The following KIAA1671 variants were observed in gnomAD, a reference collection of about 807,000 sequenced individuals.
The protein encoded by KIAA1671 is KIAA1671, also known as uncharacterized protein KIAA1671.
A neutral mutation model predicts 131.2 loss-of-function variants in KIAA1671; 52 were observed. The ratio of observed to expected loss-of-function variants is 0.40; its 90% CI spans 0.32 to 0.50. The LOEUF (loss-of-function observed/expected upper bound fraction) is 0.50. Ranked by LOEUF, KIAA1671 falls within the 20% of genes least tolerant of loss-of-function variation. The pLI is 0.73. For missense variants in KIAA1671, 2,360 were observed against 2,364.2 expected (o/e 1.00, Z 0.04); for synonymous variants, 1,003 against 961.6 (o/e 1.04, Z -0.80).
At chr22:25,031,243 G>A (rs1391387962) in intron 3 of KIAA1671, among the ~76,000 whole-genome samples, 2 of 146,578 alleles carry the variant, frequency 1.4e-5, no homozygotes, top group African/African-American at 5.1e-5. Context: ...CTGCCGCTGA[G>A]GCCAGAGCAG....
intron 1 of KIAA1671, among the ~76,000 whole-genome samples, chr22:24,984,719 C>T (rs1199350347): frequency 6.6e-6 from 1 of 151,990 alleles, no homozygotes; most frequent in African/African-American, 2.4e-5. Context: ...TGAGACCATC[C>T]TGGTCAACAT....
intron 6 of KIAA1671, among the ~76,000 whole-genome samples, chr22:25,093,507 T>TAATGTGAACACA (rs1930121784): frequency 6.6e-6 from 1 of 152,142 alleles, no homozygotes; most frequent in Admixed American, 6.5e-5. Context: ...TGCTGGCAGT[T>TAATGTGAACACA]CATTACTGCA....
At chr22:25,185,277 C>CA in intron 11 of KIAA1671, 158 bp downstream of exon 11, 1 of 844,034 alleles carries the variant, frequency 1.2e-6, no homozygotes, top group Non-Finnish European at 1.8e-6. Context: ...TCTCAATACT[C>CA]AGATACCTAA....
At chr22:25,049,386 G>A in intron 6 of KIAA1671, 22 bp downstream of exon 6, 1 of 1,544,702 alleles carries the variant, frequency 6.5e-7, no homozygotes, top group South Asian at 1.2e-5. Context: ...AACATGGCTG[G>A]AGAGGATTGC....
intron 1 of KIAA1671, among the ~76,000 whole-genome samples, chr22:24,978,676 C>CTTTTG (rs377292242): frequency 0.015 from 2,258 of 152,000 alleles, 36 homozygotes; most frequent in East Asian, 0.083. Flanking sequence ...CCATCTTAAT[C>CTTTTG]TTTTGTTTTG....
chr22:25,088,033 T>C (rs1038907416), intron 6 of KIAA1671, among the ~76,000 whole-genome samples: 1 of 152,186 alleles, frequency 6.6e-6, no homozygotes, highest in African/African-American at 2.4e-5. Flanking sequence ...GAGTGGTCAT[T>C]TGGTAAAATG....
intron 6 of KIAA1671, among the ~76,000 whole-genome samples, chr22:25,165,247 C>A (rs562968201): frequency 5.3e-4 from 81 of 152,246 alleles, no homozygotes; most frequent in African/African-American, 2.0e-3. Context: ...CCAAATTTGA[C>A]AGTCTGTGTT....
In KIAA1671 at chr22:25,170,843, C is replaced by G. The variant is rs1455331645; in HGVS notation, c.4554C>G (p.Ser1518=). 1 of 1,551,656 alleles carries G rather than the reference C, an allele frequency of 6.4e-7. No homozygotes were observed. The change falls in exon 7 of 13, where the codon TCC becomes TCG. Residue 1518 remains serine (S), a synonymous_variant. Transcript: ENST00000358431. The stretch of plus-strand genomic sequence containing the variant: ...AGGACCAGCTGAAGCAGTGTTTCTC[C>G]CGGCAGCCCACTGAACCCAAGGACA... ...PFVDQLKQCF[S]RQPTEPKDTD... is the part of the protein sequence containing the mutation.
intron 6 of KIAA1671, among the ~76,000 whole-genome samples, chr22:25,114,134 C>T (rs141703358): frequency 1.1e-3 from 165 of 152,278 alleles, no homozygotes; most frequent in African/African-American, 3.8e-3. Flanking sequence ...CGTGTTGCGT[C>T]GAGATGCCAC....
chr22:25,127,411 A>G lies in KIAA1671; in HGVS notation c.4531-43409A>G, dbSNP rs1932235536. ...TCAAATGGTGCCATTTTCTCTCCAGAGTGACCCCCAGCCTCGAGTGTTTTA... is the reference window on the plus strand; with the variant it reads ...TCAAATGGTGCCATTTTCTCTCCAGGGTGACCCCCAGCCTCGAGTGTTTTA... On this transcript the variant is annotated intron_variant, in intron 6 of 12. Transcript: ENST00000358431. Among the ~76,000 whole-genome samples the G allele has an allele frequency of 2.6e-5, 4 of 152,144 alleles. No homozygotes were observed. In the South Asian group the frequency reaches 8.3e-4, roughly 32 times the overall value.
At chr22:25,075,703 TAGCC>T (rs1929067600) in intron 6 of KIAA1671, among the ~76,000 whole-genome samples, 1 of 151,866 alleles carries the variant, frequency 6.6e-6, no homozygotes, top group South Asian at 2.1e-4. Context: ...TTCACCGTGT[TAGCC>T]AGGATGGTCT....
intron 6 of KIAA1671, chr22:25,049,720 G>A (rs1313330069): frequency 1.1e-5 from 2 of 187,910 alleles, no homozygotes; most frequent in Non-Finnish European, 2.2e-5. Context: ...TAATTTCGCT[G>A]CACTTCAGTT....
chr22:24,985,637 C>G (rs1236746125), intron 1 of KIAA1671, among the ~76,000 whole-genome samples: 1 of 152,162 alleles, frequency 6.6e-6, no homozygotes, highest in Non-Finnish European at 1.5e-5. Context: ...GCGCGCCTAG[C>G]CTTTCTGTCT....
At chr22:24,987,036 G>C (rs1161271132) in intron 1 of KIAA1671, among the ~76,000 whole-genome samples, 1 of 152,054 alleles carries the variant, frequency 6.6e-6, no homozygotes, top group East Asian at 1.9e-4. Flanking sequence ...ATGTAAACAA[G>C]TGGGTGTGGC....
At chr22:25,068,798 C>T (rs1204461684) in intron 6 of KIAA1671, among the ~76,000 whole-genome samples, 1 of 152,172 alleles carries the variant, frequency 6.6e-6, no homozygotes. Flanking sequence ...AGTGGTGAGG[C>T]TGAAGGATGC....
intron 10 of KIAA1671, among the ~76,000 whole-genome samples, chr22:25,182,327 CTCT>C (rs1403998843): frequency 4.1e-5 from 3 of 73,066 alleles, no homozygotes; most frequent in Non-Finnish European, 6.6e-5. Flanking sequence ...CCTTCCTTTT[CTCT>C]TCTTTCTTTC....
chr22:25,093,722 CACACACACACA>C (rs1930147437), intron 6 of KIAA1671, among the ~76,000 whole-genome samples: 3 of 124,226 alleles, frequency 2.4e-5, no homozygotes, highest in African/African-American at 8.9e-5. Context: ...CACACACACA[CACACACACACA>C]CACACTCTCT....
chr22:25,035,338 C>T (rs966960876), intron 4 of KIAA1671, among the ~76,000 whole-genome samples: 4 of 152,164 alleles, frequency 2.6e-5, no homozygotes, highest in South Asian at 2.1e-4. Flanking sequence ...TGAGCCACCG[C>T]GTCCGGCCAG....
chr22:25,031,193 ATTTTTT>A, intron 3 of KIAA1671, among the ~76,000 whole-genome samples: 1 of 113,354 alleles, frequency 8.8e-6, no homozygotes, highest in East Asian at 2.4e-4. Flanking sequence ...CACCCAGCTA[ATTTTTT>A]TTTTTTTTTT....
Sources: gnomAD v4.1 joint callset for allele counts (sites outside exome capture counted in the v4.1 genomes callset) on GRCh38, gnomAD v4.1.1 for gene constraint, MANE v1.5 for transcripts, NCBI Gene and HGNC (gene_info 2026-07-23, HGNC 2026-07-21) for gene names.